The following LIMCH1 variants were observed in gnomAD, a reference collection of about 807,000 sequenced individuals.
The protein encoded by LIMCH1 is LIM and calponin homology domains-containing protein 1.
LIMCH1 carries 113 observed loss-of-function variants against 176.5 expected under a neutral mutation model. That is an observed-to-expected ratio of 0.64 (90% CI 0.55 to 0.75). The LOEUF is 0.75. LIMCH1 is among the 30% of genes least tolerant of loss of function. The probability of loss-of-function intolerance (pLI) is 0.00; values close to 1 mark genes in which losing one functional copy is unlikely to be tolerated. For synonymous variants in LIMCH1, 619 were observed against 645.9 expected (o/e 0.96, Z 0.63); for missense variants, 1,674 against 1,814.9 (o/e 0.92, Z 1.41).
At position 41,684,484 on chromosome 4, in the gene LIMCH1, C is replaced by T. The variant is rs374414557; in HGVS notation, c.3933C>T (p.Ala1311=). The change falls in exon 27 of 32, where the codon GCC becomes GCT. Residue 1311 remains alanine (A), a synonymous_variant. Transcript: ENST00000503057. ...EDHQLDTEAG[A]PHCGTNPQLA... ...ATCAGCTGGATACCGAGGCTGGGGC[C>T]CCACACTGTGGAACAAACCCACAGC... 2 of 1,613,606 alleles carry T rather than the reference C, an allele frequency of 1.2e-6. No homozygotes were observed. Among genetic ancestry groups the T allele is most frequent in the African/African-American group, 2.7e-5 (2 of 74,946 alleles).
intron 1 of LIMCH1, among the ~76,000 whole-genome samples, chr4:41,434,206 T>C (rs1048509071): frequency 6.6e-6 from 1 of 152,158 alleles, no homozygotes; most frequent in Non-Finnish European, 1.5e-5. Flanking sequence ...GGCAGTGGGC[T>C]TAGGCTAGGA....
intron 1 of LIMCH1, among the ~76,000 whole-genome samples, chr4:41,469,372 G>A (rs1328772068): frequency 2.0e-5 from 3 of 152,134 alleles, no homozygotes; most frequent in African/African-American, 7.2e-5. Context: ...CTTTCAATCA[G>A]TAATAGGTTT....
intron 1 of LIMCH1, among the ~76,000 whole-genome samples, chr4:41,477,508 T>TATC (rs1038422536): frequency 1.3e-5 from 2 of 152,176 alleles, no homozygotes; most frequent in Non-Finnish European, 2.9e-5. Flanking sequence ...ATGCTGTTAT[T>TATC]ATCATCATCA....
At chr4:41,645,423 C>A (rs1347842622) in intron 15 of LIMCH1, among the ~76,000 whole-genome samples, 1 of 152,158 alleles carries the variant, frequency 6.6e-6, no homozygotes, top group Non-Finnish European at 1.5e-5. Context: ...TTTAACCCTG[C>A]AAGCTTGTAA....
At chr4:41,429,758 A>G (rs2061430429) in intron 1 of LIMCH1, among the ~76,000 whole-genome samples, 1 of 152,206 alleles carries the variant, frequency 6.6e-6, no homozygotes, top group Non-Finnish European at 1.5e-5. Context: ...TTGCTTAAAG[A>G]AACACCATTT....
upstream of LIMCH1, among the ~76,000 whole-genome samples, chr4:41,535,180 A>AAG (rs1554088738): frequency 3.5e-5 from 5 of 142,330 alleles, no homozygotes; most frequent in African/African-American, 1.4e-4. Flanking sequence ...AAAAAAAAAA[A>AAG]AAAAGAAAAG....
At chr4:41,682,672 C>CTTTTTTTTTTTTT (rs1479823691) in intron 26 of LIMCH1, among the ~76,000 whole-genome samples, 1 of 139,928 alleles carries the variant, frequency 7.1e-6, no homozygotes, top group Non-Finnish European at 1.6e-5. Flanking sequence ...TTTTTTTCTT[C>CTTTTTTTTTTTTT]TTCTTCTTTT....
chr4:41,529,475 C>G (rs527403428), intron 3 of LIMCH1, among the ~76,000 whole-genome samples: 7 of 152,214 alleles, frequency 4.6e-5, no homozygotes, highest in African/African-American at 1.7e-4. Flanking sequence ...TAAAAGTGAT[C>G]TGAGGAAAAG....
chr4:41,374,369 C>T (rs145016417), intron 1 of LIMCH1, among the ~76,000 whole-genome samples: 1 of 152,230 alleles, frequency 6.6e-6, no homozygotes, highest in Non-Finnish European at 1.5e-5. Context: ...GTGCTCCAGG[C>T]ATCTCCCAAA....
At chr4:41,620,818 C>G in intron 7 of LIMCH1, 128 bp downstream of exon 7, 1 of 1,042,232 alleles carries the variant, frequency 9.6e-7, no homozygotes, top group Non-Finnish European at 1.4e-6. Context: ...TCACTGTTCC[C>G]TGCTCTGAGC....
At chr4:41,538,932 G>T (rs2078273532) in intron 1 of LIMCH1, among the ~76,000 whole-genome samples, 1 of 152,150 alleles carries the variant, frequency 6.6e-6, no homozygotes. Flanking sequence ...CTTAGTCCTT[G>T]TCCTTCATAG....
chr4:41,404,097 A>G (rs888599214), intron 1 of LIMCH1, among the ~76,000 whole-genome samples: 2 of 152,174 alleles, frequency 1.3e-5, no homozygotes, highest in Admixed American at 6.5e-5. Flanking sequence ...TCAGTTACAA[A>G]TGACCCCCAA....
chr4:41,474,448 C>A (rs1294956614), intron 1 of LIMCH1, among the ~76,000 whole-genome samples: 1 of 152,168 alleles, frequency 6.6e-6, no homozygotes, highest in African/African-American at 2.4e-5. Flanking sequence ...GATCGCACCA[C>A]TGCTGTCCAG....
intron 26 of LIMCH1, among the ~76,000 whole-genome samples, chr4:41,683,399 C>A (rs1375806537): frequency 6.6e-6 from 1 of 152,088 alleles, no homozygotes; most frequent in Admixed American, 6.5e-5. Flanking sequence ...TGCCACCCCA[C>A]CCCATCCCTT....
chr4:41,527,233 G>C (rs1247595878), intron 3 of LIMCH1, among the ~76,000 whole-genome samples: 2 of 152,200 alleles, frequency 1.3e-5, no homozygotes, highest in African/African-American at 2.4e-5. Flanking sequence ...ACTCGAGAGA[G>C]ATAAAAGTAG....
At chr4:41,671,397 A>AACAC (rs141018823) in intron 21 of LIMCH1, among the ~76,000 whole-genome samples, 157 bp from the exon 22 acceptor site, 10,514 of 137,388 alleles carry the variant, frequency 0.077, 410 homozygotes, top group African/African-American at 0.1. Context: ...TGACTTACCA[A>AACAC]ACACACACAC....
At chr4:41,676,671 A>T (rs913348176) in intron 23 of LIMCH1, among the ~76,000 whole-genome samples, 7 of 152,140 alleles carry the variant, frequency 4.6e-5, no homozygotes, top group Non-Finnish European at 8.8e-5. Flanking sequence ...AACATGATGA[A>T]AAACCATTCA....
rs191821201 is a variant in LIMCH1, at chr4:41,394,173, A to G, written c.96+33237A>G. 5.9e-5 allele frequency among the ~76,000 whole-genome samples: 9 copies of G among 152,236 alleles called. No individual in the cohort carries two copies. The East Asian group carries it at 1.7e-3, about 29-fold the overall frequency. The stretch of plus-strand genomic sequence containing the variant: ...GGCCAAAATTGGTTCTGTTTTATGT[A>G]TTATTGACAGTTTTGATTGAGTCCT... On this transcript the variant is annotated intron_variant, in intron 1 of 26. Transcript: ENST00000313860.
At chr4:41,370,873 A>C (rs2053859937) in intron 1 of LIMCH1, among the ~76,000 whole-genome samples, 1 of 152,166 alleles carries the variant, frequency 6.6e-6, no homozygotes, top group Non-Finnish European at 1.5e-5. Flanking sequence ...TTCTCAAGCA[A>C]GCACTGTTTA....
Sources: allele counts gnomAD v4.1 joint callset (sites outside exome capture counted in the v4.1 genomes callset), GRCh38; gene constraint gnomAD v4.1.1; transcripts MANE v1.5; gene names NCBI Gene and HGNC (gene_info 2026-07-23, HGNC 2026-07-21).